Variants in TRIM5 observed in about 807,000 individuals in gnomAD.
The protein encoded by TRIM5 is tripartite motif-containing protein 5.
TRIM5 carries 31 observed loss-of-function variants against 35.6 expected under a neutral mutation model. The ratio of observed to expected loss-of-function variants is 0.87; its 90% CI spans 0.65 to 1.18. TRIM5 has a LOEUF of 1.18. Ranked by LOEUF, TRIM5 falls within the 50% of genes most tolerant of loss-of-function variation. The probability of loss-of-function intolerance (pLI) is 0.00; values close to 1 mark genes in which losing one functional copy is unlikely to be tolerated. For synonymous variants in TRIM5, 243 were observed against 215.6 expected (o/e 1.13, Z -1.11); for missense variants, 609 against 591.6 (o/e 1.03, Z -0.31).
At chr11:5,674,663 C>T (rs924653562) in intron 4 of TRIM5, among the ~76,000 whole-genome samples, 2 of 152,228 alleles carry the variant, frequency 1.3e-5, no homozygotes, top group East Asian at 1.9e-4. Context: ...ACTCAGTCTA[C>T]GAGCTATCTA....
the TRIM5 span, among the ~76,000 whole-genome samples, chr11:5,657,700 A>T: frequency 3.8e-3 from 501 of 130,684 alleles, 5 homozygotes; most frequent in African/African-American, 0.014. Context: ...ATAATATAAT[A>T]TATATAAATA....
At chr11:5,612,959 T>G in the TRIM5 span, 1 of 152,230 alleles carries the variant, frequency 6.6e-6, no homozygotes, top group African/African-American at 2.4e-5. Flanking sequence ...TTTACCTGTT[T>G]CATTTTACTT....
the TRIM5 span, chr11:5,642,820 T>C: frequency 1.9e-6 from 3 of 1,614,064 alleles, no homozygotes; most frequent in Non-Finnish European, 1.7e-6. Context: ...ATTTCAGAAC[T>C]GACAGCTGTC....
the TRIM5 span, chr11:5,596,725 C>A: frequency 2.0e-6 from 2 of 1,000,942 alleles, no homozygotes; most frequent in South Asian, 2.8e-5. Flanking sequence ...GAGGGATCCC[C>A]TGCCTTTCTC....
At chr11:5,612,690 A>G in the TRIM5 span, 1 of 152,236 alleles carries the variant, frequency 6.6e-6, no homozygotes. Flanking sequence ...ATTAAGAGGT[A>G]CATGTGAGGG....
downstream of TRIM5, among the ~76,000 whole-genome samples, chr11:5,659,274 T>C (rs1331739672): frequency 6.6e-6 from 1 of 152,108 alleles, no homozygotes; most frequent in Non-Finnish European, 1.5e-5. Context: ...CCTAGAGCTT[T>C]GAGCAGCAGG....
chr11:5,664,623 A>G lies in TRIM5; in HGVS notation c.*186T>C, dbSNP rs1259134062. On this transcript the variant is annotated 3_prime_UTR_variant, in exon 8 of 8. Coordinates refer to ENST00000380034, the MANE Select transcript of TRIM5 (RefSeq NM_033034.3). ...TGAAAAAAATTGCTATCAAATGTCA[A>G]TAAAATATTGGGGACAATATGGCAC... The G allele has an allele frequency of 7.5e-7, 1 of 1,328,076 alleles. No homozygotes were observed. The highest frequency in any genetic ancestry group is 1.5e-5 in the African/African-American group (1 of 67,232). 82.3% of individuals were successfully genotyped at this position (1,328,076 alleles called of 1,614,324 possible).
chr11:5,629,287 A>G, the TRIM5 span, among the ~76,000 whole-genome samples: 2 of 152,070 alleles, frequency 1.3e-5, no homozygotes, highest in African/African-American at 2.4e-5. Context: ...AAAAAAAAAC[A>G]AAAACTACAG....
chr11:5,641,353 C>T, the TRIM5 span: 31 of 1,458,170 alleles, frequency 2.1e-5, no homozygotes, highest in East Asian at 1.8e-4. Context: ...TTGAGTGTTC[C>T]GTAACTATTA....
At chr11:5,602,179 G>A in the TRIM5 span, among the ~76,000 whole-genome samples, 7 of 152,206 alleles carry the variant, frequency 4.6e-5, no homozygotes, top group East Asian at 1.9e-4. Context: ...AGTGGCTCAT[G>A]CCTGTAGTCC....
the TRIM5 span, chr11:5,610,904 T>C: frequency 6.2e-7 from 1 of 1,614,166 alleles, no homozygotes. Flanking sequence ...ATGACTGTAG[T>C]GTCCTGGGCT....
At chr11:5,623,772 G>A in the TRIM5 span, among the ~76,000 whole-genome samples, 1 of 152,062 alleles carries the variant, frequency 6.6e-6, no homozygotes, top group Non-Finnish European at 1.5e-5. Flanking sequence ...ATATTCCCAA[G>A]GTATTGGATG....
intron 6 of TRIM5, 115 bp downstream of exon 6, chr11:5,665,866 T>C: frequency 7.9e-7 from 1 of 1,263,216 alleles, no homozygotes; most frequent in African/African-American, 1.5e-5. Flanking sequence ...CAGCAGACAA[T>C]ATCTATCCTC....
At position 5,678,401 on chromosome 11, in the gene TRIM5, C is replaced by G. The variant is rs370971495; in HGVS notation, c.547G>C (p.Ala183Pro). 5.0e-6 allele frequency: 8 copies of G among 1,590,066 alleles called. No individual in the cohort carries two copies. Among genetic ancestry groups the G allele is most frequent in the Admixed American group, 3.4e-5 (2 of 58,132 alleles). ...ATGTCTCTCAGTTGCTCAAAATCTG[C>G]CAAGACGTTGGTTTTGTCATACTGT... Reference protein sequence around the residue: ...QIQYDKTNVLADFEQLRDILD... With the variant: ...QIQYDKTNVLPDFEQLRDILD... The change falls in exon 4 of 8, where the codon GCA (alanine) becomes CCA (proline). Residue 183 changes from alanine to proline, a missense_variant. Transcript: ENST00000380034.
chr11:5,652,123 T>G, the TRIM5 span, among the ~76,000 whole-genome samples: 128 of 152,014 alleles, frequency 8.4e-4, 1 homozygote, highest in African/African-American at 2.9e-3. Context: ...TTTGTTTTTG[T>G]TTTTGGTTTT....
At chr11:5,657,134 A>G in the TRIM5 span, among the ~76,000 whole-genome samples, 1 of 152,172 alleles carries the variant, frequency 6.6e-6, no homozygotes, top group Admixed American at 6.6e-5. Context: ...TGCAGCTACA[A>G]AAAAGGATGA....
the TRIM5 span, among the ~76,000 whole-genome samples, chr11:5,617,591 C>A: frequency 3.6e-5 from 5 of 138,338 alleles, no homozygotes; most frequent in Non-Finnish European, 1.6e-5. Context: ...CAGGTTCAAG[C>A]GATTCACCAG....
the TRIM5 span, among the ~76,000 whole-genome samples, chr11:5,637,066 A>G: frequency 0.036 from 5,480 of 152,242 alleles, 198 homozygotes; most frequent in East Asian, 0.16. Context: ...CCAGCTACTC[A>G]GGAGGCTGAG....
chr11:5,628,252 G>GC, the TRIM5 span, among the ~76,000 whole-genome samples: 3 of 152,336 alleles, frequency 2.0e-5, no homozygotes, highest in East Asian at 1.9e-4. Context: ...CTCTCCTGGA[G>GC]CCCCCCGGTA....
Sources: gnomAD v4.1 joint callset for allele counts (sites outside exome capture counted in the v4.1 genomes callset) on GRCh38, gnomAD v4.1.1 for gene constraint, MANE v1.5 for transcripts, NCBI Gene and HGNC (gene_info 2026-07-23, HGNC 2026-07-21) for gene names.